The following IMPG1 variants were observed in gnomAD, a reference collection of about 807,000 sequenced individuals.
IMPG1 encodes interphotoreceptor matrix proteoglycan 1, also known as interphotoreceptor matrix proteoglycan of 150 kDa.
IMPG1 carries 85 observed loss-of-function variants against 92.0 expected under a neutral mutation model. The observed-to-expected ratio is 0.92, with a 90% CI of 0.78 to 1.11. The LOEUF is 1.11. IMPG1 is among the 50% of genes least tolerant of loss of function. The probability of loss-of-function intolerance (pLI) is 0.00; values close to 1 mark genes in which losing one functional copy is unlikely to be tolerated. For missense variants in IMPG1, 1,022 were observed against 956.0 expected, an observed-to-expected ratio of 1.07 and a Z score of -0.91; for synonymous variants, 367 against 334.1, an observed-to-expected ratio of 1.10 and a Z score of -1.08.
intron 1 of IMPG1, among the ~76,000 whole-genome samples, chr6:76,048,581 A>T (rs60181894): frequency 0.029 from 4,482 of 152,178 alleles, 217 homozygotes; most frequent in African/African-American, 0.1. Flanking sequence ...TTTCAAGAAC[A>T]TTCTTCCAGA....
intron 1 of IMPG1, among the ~76,000 whole-genome samples, chr6:76,066,152 G>A (rs1784306836): frequency 1.3e-5 from 2 of 151,984 alleles, no homozygotes; most frequent in African/African-American, 4.8e-5. Flanking sequence ...TGTTATAAAA[G>A]TACACAACTG....
In IMPG1 at chr6:75,950,991, T is replaced by G. The variant is rs1424363796; in HGVS notation, c.1395A>C (p.Thr465=). The stretch of plus-strand genomic sequence containing the variant: ...TTGTCTGGTCAGTGGCCATTGTATC[T>G]GTGGTGCCTTGATCAGTCAGAGAGA... The part of the protein sequence containing the change: ...SIFSLTDQGT[T]DTMATDQTML... Residue 465 remains threonine, a synonymous_variant, in exon 13 of 17, where the codon ACA becomes ACC. Transcript: ENST00000369950. 1.9e-6 allele frequency: 3 copies of G among 1,613,808 alleles called. No homozygotes were observed. The highest frequency in any genetic ancestry group is 3.3e-5 in the Admixed American group (2 of 59,960).
At chr6:75,924,720 A>C (rs368806954) in intron 15 of IMPG1, among the ~76,000 whole-genome samples, 427 of 2,496 alleles carry the variant, frequency 0.17, 138 homozygotes, top group East Asian at 0.74. Flanking sequence ...TATAATATAT[A>C]ATATAATTAT....
intron 1 of IMPG1, among the ~76,000 whole-genome samples, chr6:76,046,667 G>C (rs1783949161): frequency 1.3e-5 from 2 of 152,152 alleles, no homozygotes; most frequent in African/African-American, 4.8e-5. Flanking sequence ...AGTACATCCT[G>C]AGTTTCTTCA....
intron 12 of IMPG1, among the ~76,000 whole-genome samples, chr6:75,985,451 T>C (rs913243007): frequency 1.3e-5 from 2 of 152,154 alleles, no homozygotes; most frequent in Admixed American, 1.3e-4. Flanking sequence ...TCAGAGATCA[T>C]AACTTTAAAC....
intron 12 of IMPG1, among the ~76,000 whole-genome samples, chr6:75,974,420 C>CTTCCTTT (rs1782496650): frequency 7.4e-6 from 1 of 134,542 alleles, no homozygotes; most frequent in East Asian, 2.2e-4. Context: ...TTCCTTCCTT[C>CTTCCTTT]CTTCCTTGCT....
chr6:76,034,523 AC>A, intron 3 of IMPG1, 97 bp downstream of exon 3: 1 of 1,345,416 alleles, frequency 7.4e-7, no homozygotes, highest in Non-Finnish European at 1.0e-6. Flanking sequence ...TCTTCAATTA[AC>A]CCTTACGTTG....
intron 1 of IMPG1, among the ~76,000 whole-genome samples, chr6:76,061,534 T>C (rs1243179439): frequency 1.3e-5 from 2 of 152,162 alleles, no homozygotes; most frequent in Non-Finnish European, 2.9e-5. Flanking sequence ...GTGGAGTGTC[T>C]TAAAATGCAA....
intron 12 of IMPG1, among the ~76,000 whole-genome samples, chr6:75,988,744 C>A (rs1382011978): frequency 6.6e-6 from 1 of 152,170 alleles, no homozygotes; most frequent in Admixed American, 6.5e-5. Flanking sequence ...TCTTTCCCAC[C>A]TCAGGTTCTT....
At chr6:75,961,767 A>G (rs1782215362) in intron 12 of IMPG1, among the ~76,000 whole-genome samples, 1 of 152,244 alleles carries the variant, frequency 6.6e-6, no homozygotes, top group African/African-American at 2.4e-5. Context: ...CTCAGGGAGC[A>G]GCTAGCTGGG....
intron 9 of IMPG1, among the ~76,000 whole-genome samples, chr6:76,006,183 T>C (rs7761523): frequency 0.017 from 2,574 of 152,130 alleles, 82 homozygotes; most frequent in African/African-American, 0.057. Flanking sequence ...TTGACCACTA[T>C]TTTTTGTGAT....
At chr6:76,018,307 G>GTCTC (rs994638029) in intron 7 of IMPG1, among the ~76,000 whole-genome samples, 9 of 152,226 alleles carry the variant, frequency 5.9e-5, no homozygotes, top group Middle Eastern at 3.4e-3. Context: ...TGTGAATGTG[G>GTCTC]TCTCTCTCTC....
chr6:76,070,577 A>T (rs1043256629), intron 1 of IMPG1, among the ~76,000 whole-genome samples: 6 of 152,200 alleles, frequency 3.9e-5, no homozygotes, highest in African/African-American at 1.4e-4. Context: ...AGTGAACGTT[A>T]ACTAATGAAT....
At chr6:76,047,075 G>C (rs1783956639) in intron 1 of IMPG1, among the ~76,000 whole-genome samples, 2 of 152,188 alleles carry the variant, frequency 1.3e-5, no homozygotes, top group Non-Finnish European at 2.9e-5. Flanking sequence ...GTTAGATAGA[G>C]TGTTTTTGTT....
intron 13 of IMPG1, among the ~76,000 whole-genome samples, chr6:75,949,593 T>G (rs1781989613): frequency 6.6e-6 from 1 of 152,228 alleles, no homozygotes; most frequent in East Asian, 1.9e-4. Flanking sequence ...CACTTTGCAC[T>G]GTGGACTTGC....
At chr6:76,035,516 A>G (rs1259169964) in intron 2 of IMPG1, among the ~76,000 whole-genome samples, 2 of 151,272 alleles carry the variant, frequency 1.3e-5, no homozygotes, top group African/African-American at 4.8e-5. Flanking sequence ...AAAAAAAAAA[A>G]AAAAAAAAGA....
At chr6:76,024,148 GA>G (rs1402135063) in intron 5 of IMPG1, among the ~76,000 whole-genome samples, 1 of 152,114 alleles carries the variant, frequency 6.6e-6, no homozygotes, top group African/African-American at 2.4e-5. Flanking sequence ...AGTCAGTCCA[GA>G]AATGATAAAT....
chr6:76,022,010 A>C, intron 6 of IMPG1, 106 bp downstream of exon 6: 1 of 588,776 alleles, frequency 1.7e-6, no homozygotes. Context: ...ACAAAAATAC[A>C]GCACTAATAT....
At chr6:76,064,844 A>G (rs1033329613) in intron 1 of IMPG1, among the ~76,000 whole-genome samples, 1 of 152,112 alleles carries the variant, frequency 6.6e-6, no homozygotes, top group Non-Finnish European at 1.5e-5. Context: ...GCACAACCTA[A>G]TACACAATCT....
Sources: allele counts gnomAD v4.1 joint callset (sites outside exome capture counted in the v4.1 genomes callset), GRCh38; gene constraint gnomAD v4.1.1; transcripts MANE v1.5; gene names NCBI Gene and HGNC (gene_info 2026-07-23, HGNC 2026-07-21).